HMGB1: variants seen among roughly 807,000 people sequenced by gnomAD.
The protein encoded by HMGB1 is high mobility group box 1, also known as high mobility group protein B1.
For missense variants in HMGB1, 79 were observed against 253.5 expected, an observed-to-expected ratio of 0.31 and a Z score of 4.67; for synonymous variants, 81 against 84.0, an observed-to-expected ratio of 0.96 and a Z score of 0.19.
chr13:30,602,887 C>CGACT (rs1241690087), intron 1 of HMGB1, among the ~76,000 whole-genome samples: 24 of 152,172 alleles, frequency 1.6e-4, no homozygotes, highest in Non-Finnish European at 3.1e-4. Flanking sequence ...CTCTGCAGCA[C>CGACT]GACTTCCCCA....
At chr13:30,467,697 A>G (rs1285077071), upstream of HMGB1, among the ~76,000 whole-genome samples, 1 of 152,234 alleles carries the variant, frequency 6.6e-6, no homozygotes, top group African/African-American at 2.4e-5. Flanking sequence ...ATACTGTCTT[A>G]TCTTCTCAAT....
In HMGB1 at chr13:30,611,366, G is replaced by C. The variant is rs147324801; in HGVS notation, c.-15+5305C>G. ...TTTAGTAGAGATGGGGTTTCACCAT[G>C]CTGGCCAGGCTGGTCTCGAACTCCT... On this transcript the variant is annotated intron_variant, in intron 1 of 4. Coordinates refer to the HMGB1 transcript ENST00000405805. Among the ~76,000 whole-genome samples, 14 of 152,264 alleles carry C rather than the reference G, an allele frequency of 9.2e-5. No homozygotes were observed. The East Asian group carries it at 2.7e-3, about 29-fold the overall frequency.
intron 1 of HMGB1, chr13:30,553,988 C>T (rs1869555719): frequency 1.3e-6 from 2 of 1,487,802 alleles, no homozygotes; most frequent in Admixed American, 3.4e-5. Flanking sequence ...AGCAGAAGAC[C>T]AAAGCAGTTG....
At chr13:30,505,402 TCTC>T (rs1241655286) in intron 1 of HMGB1, among the ~76,000 whole-genome samples, 1 of 152,024 alleles carries the variant, frequency 6.6e-6, no homozygotes, top group Non-Finnish European at 1.5e-5. Flanking sequence ...ATGGTCTCCA[TCTC>T]CTGACCTCGT....
At chr13:30,555,777 T>C (rs1869660380) in intron 1 of HMGB1, among the ~76,000 whole-genome samples, 1 of 152,258 alleles carries the variant, frequency 6.6e-6, no homozygotes, top group East Asian at 1.9e-4. Flanking sequence ...ATATGTTGTT[T>C]TGTTTATACC....
intron 1 of HMGB1, among the ~76,000 whole-genome samples, chr13:30,610,587 T>C (rs1950504424): frequency 6.6e-6 from 1 of 152,188 alleles, no homozygotes; most frequent in South Asian, 2.1e-4. Context: ...CAAAATTAGT[T>C]AAATAACAGA....
chr13:30,521,113 G>A (rs573084372), intron 1 of HMGB1, among the ~76,000 whole-genome samples: 24 of 152,238 alleles, frequency 1.6e-4, no homozygotes, highest in African/African-American at 5.3e-4. Flanking sequence ...GGTTAATCAA[G>A]CCCAGAACTG....
At chr13:30,503,647 C>CTTTTT (rs10590461) in intron 1 of HMGB1, among the ~76,000 whole-genome samples, 21 of 106,428 alleles carry the variant, frequency 2.0e-4, no homozygotes, top group African/African-American at 3.2e-4. Flanking sequence ...TACTCAGCTT[C>CTTTTT]TTTTTTTTTT....
At chr13:30,504,032 T>C (rs969925075) in intron 1 of HMGB1, among the ~76,000 whole-genome samples, 16 of 151,410 alleles carry the variant, frequency 1.1e-4, no homozygotes, top group African/African-American at 3.6e-4. Context: ...ATTTTTTTTT[T>C]TAAGGGGAGT....
intron 1 of HMGB1, among the ~76,000 whole-genome samples, chr13:30,569,032 G>A (rs149950813): frequency 2.6e-4 from 39 of 152,136 alleles, no homozygotes; most frequent in African/African-American, 9.4e-4. Flanking sequence ...AAAATTAGTT[G>A]GGCATGGTGG....
At chr13:30,502,639 C>CTTTA (rs1566007889) in intron 1 of HMGB1, among the ~76,000 whole-genome samples, 4 of 150,894 alleles carry the variant, frequency 2.7e-5, no homozygotes, top group African/African-American at 9.9e-5. Flanking sequence ...TTTTACTTTA[C>CTTTA]TTTATTTTAT....
At chr13:30,605,824 C>T (rs1950452650) in intron 1 of HMGB1, among the ~76,000 whole-genome samples, 2 of 152,152 alleles carry the variant, frequency 1.3e-5, no homozygotes, top group South Asian at 4.1e-4. Context: ...CTTATTCTTA[C>T]CACAGATTCA....
At chr13:30,563,510 G>A (rs1870053067) in intron 1 of HMGB1, among the ~76,000 whole-genome samples, 1 of 152,148 alleles carries the variant, frequency 6.6e-6, no homozygotes, top group Non-Finnish European at 1.5e-5. Context: ...TCAGGAAGCT[G>A]AGGTGGGAGG....
chr13:30,508,544 C>CA (rs113450216), intron 1 of HMGB1, among the ~76,000 whole-genome samples: 12,751 of 151,922 alleles, frequency 0.084, 784 homozygotes, highest in African/African-American at 0.17. Flanking sequence ...AAGAAAATGA[C>CA]AAAAAAGTAG....
At chr13:30,536,508 C>A (rs1421912366) in intron 1 of HMGB1, among the ~76,000 whole-genome samples, 1 of 152,180 alleles carries the variant, frequency 6.6e-6, no homozygotes, top group African/African-American at 2.4e-5. Context: ...TGCCACCACA[C>A]CCGGCTAATT....
chr13:30,558,996 C>T (rs1331697), intron 1 of HMGB1, among the ~76,000 whole-genome samples: 61,076 of 152,060 alleles, frequency 0.4, 13,137 homozygotes, highest in East Asian at 0.68. Flanking sequence ...TCGTGACTCA[C>T]AGTAGGTGTT....
chr13:30,556,477 A>G (rs149890206), intron 1 of HMGB1, among the ~76,000 whole-genome samples: 5 of 152,354 alleles, frequency 3.3e-5, no homozygotes, highest in African/African-American at 1.2e-4. Flanking sequence ...CTGCAGCACT[A>G]TTCTCAATAG....
At chr13:30,507,536 C>T (rs924334731) in intron 1 of HMGB1, among the ~76,000 whole-genome samples, 2 of 152,222 alleles carry the variant, frequency 1.3e-5, no homozygotes, top group Non-Finnish European at 2.9e-5. Context: ...TGACTCTTCA[C>T]AGTCATTCCT....
intron 1 of HMGB1, among the ~76,000 whole-genome samples, chr13:30,555,111 G>A (rs1281375773): frequency 3.8e-5 from 5 of 130,408 alleles, no homozygotes; most frequent in East Asian, 2.4e-4. Flanking sequence ...GCGCGATCTC[G>A]GCTCACTGCA....
Sources: gnomAD v4.1 joint callset for allele counts (sites outside exome capture counted in the v4.1 genomes callset) on GRCh38, gnomAD v4.1.1 for gene constraint, MANE v1.5 for transcripts, NCBI Gene and HGNC (gene_info 2026-07-23, HGNC 2026-07-21) for gene names.